ADAMTSL3: variants seen among roughly 807,000 people sequenced by gnomAD.
ADAMTSL3 encodes ADAMTS like 3, also known as ADAMTS-like protein 3.
A neutral mutation model predicts 201.7 loss-of-function variants in ADAMTSL3; 128 were observed. The ratio of observed to expected loss-of-function variants is 0.63; its 90% CI spans 0.55 to 0.73. The LOEUF (loss-of-function observed/expected upper bound fraction) is 0.73, where lower values mean the gene tolerates loss of function less well. Ranked by LOEUF, ADAMTSL3 falls within the 30% of genes least tolerant of loss-of-function variation. The pLI is 0.00. For synonymous variants in ADAMTSL3, 738 were observed against 748.4 expected (o/e 0.99, Z 0.23); for missense variants, 1,990 against 2,119.6 (o/e 0.94, Z 1.20).
chr15:83,903,795 G>A (rs2065773696), intron 15 of ADAMTSL3, among the ~76,000 whole-genome samples: 1 of 150,884 alleles, frequency 6.6e-6, no homozygotes. Flanking sequence ...GTACATGCTT[G>A]TAGTCCCAGC....
intron 19 of ADAMTSL3, among the ~76,000 whole-genome samples, chr15:83,960,228 T>A (rs1397388573): frequency 6.6e-6 from 1 of 152,124 alleles, no homozygotes; most frequent in Non-Finnish European, 1.5e-5. Context: ...TTTTCCTCCT[T>A]TGAAACCCAA....
chr15:83,861,079 A>G (rs2064846708), intron 8 of ADAMTSL3, among the ~76,000 whole-genome samples: 3 of 152,200 alleles, frequency 2.0e-5, no homozygotes, highest in Admixed American at 2.0e-4. Context: ...CTAGCACAGC[A>G]GTCTGAGATC....
intron 3 of ADAMTSL3, among the ~76,000 whole-genome samples, chr15:83,716,154 A>G (rs1309930495): frequency 6.6e-6 from 1 of 152,208 alleles, no homozygotes; most frequent in Non-Finnish European, 1.5e-5. Flanking sequence ...AGGAGTGACA[A>G]GACTTGAAGA....
At chr15:84,037,487 G>A (rs570051699) in intron 29 of ADAMTSL3, among the ~76,000 whole-genome samples, 1 of 152,326 alleles carries the variant, frequency 6.6e-6, no homozygotes, top group South Asian at 2.1e-4. Flanking sequence ...CAGAGGGACT[G>A]GGAGGGTCCA....
At chr15:83,997,718 G>T (rs2067713924) in intron 23 of ADAMTSL3, among the ~76,000 whole-genome samples, 2 of 151,954 alleles carry the variant, frequency 1.3e-5, no homozygotes, top group Admixed American at 6.6e-5. Flanking sequence ...TTTGACATGT[G>T]GTTATCAGTT....
At chr15:83,819,600 T>C (rs1007400933) in intron 5 of ADAMTSL3, among the ~76,000 whole-genome samples, 1 of 150,980 alleles carries the variant, frequency 6.6e-6, no homozygotes, top group Non-Finnish European at 1.5e-5. Flanking sequence ...GATAATCTCC[T>C]GTATAAATAA....
intron 2 of ADAMTSL3, among the ~76,000 whole-genome samples, chr15:83,675,695 T>A (rs60357700): frequency 0.07 from 10,594 of 151,842 alleles, 578 homozygotes; most frequent in East Asian, 0.17. Context: ...GTTCTTTACA[T>A]GTTTGGTATA....
intron 2 of ADAMTSL3, among the ~76,000 whole-genome samples, chr15:83,671,319 C>T (rs184575257): frequency 5.1e-4 from 78 of 152,262 alleles, no homozygotes; most frequent in African/African-American, 1.9e-3. Flanking sequence ...CCTTCTTTGA[C>T]GTCCTCTTTA....
intron 17 of ADAMTSL3, among the ~76,000 whole-genome samples, chr15:83,936,302 A>C (rs1312814158): frequency 6.6e-6 from 1 of 150,904 alleles, no homozygotes; most frequent in Non-Finnish European, 1.5e-5. Context: ...TTCTAAGGGT[A>C]AACCTAAAAA....
At chr15:83,715,787 C>A (rs994271744) in intron 3 of ADAMTSL3, among the ~76,000 whole-genome samples, 1 of 152,196 alleles carries the variant, frequency 6.6e-6, no homozygotes, top group Non-Finnish European at 1.5e-5. Flanking sequence ...CTTCCCTTAT[C>A]CCCCATTTCT....
At chr15:83,815,120 C>G (rs1377237315) in intron 5 of ADAMTSL3, among the ~76,000 whole-genome samples, 1 of 152,170 alleles carries the variant, frequency 6.6e-6, no homozygotes, top group Non-Finnish European at 1.5e-5. Flanking sequence ...CCTCCTCTTT[C>G]TTCTTTTCTG....
At chr15:83,749,387 C>T (rs773055463) in intron 3 of ADAMTSL3, among the ~76,000 whole-genome samples, 2 of 152,046 alleles carry the variant, frequency 1.3e-5, no homozygotes, top group African/African-American at 4.8e-5. Flanking sequence ...GCTAAGGCAA[C>T]GAGAGCTTTA....
intron 13 of ADAMTSL3, 112 bp downstream of exon 13, chr15:83,893,000 A>G: frequency 9.5e-7 from 1 of 1,048,808 alleles, no homozygotes; most frequent in South Asian, 1.6e-5. Flanking sequence ...GTGGTAAAAG[A>G]GCATGGTTCC....
At position 83,913,163 on chromosome 15, in the gene ADAMTSL3, G is replaced by T. The variant is rs1208556702; in HGVS notation, c.1772G>T (p.Cys591Phe). The change falls in exon 16 of 30, where the codon TGC (cysteine) becomes TTC (phenylalanine). Residue 591 changes from cysteine to phenylalanine, a missense_variant. Transcript: ENST00000286744. ...GPGVQVREVK[C>F]RVLLTFTQTE... ...GGTGTGCAGGTCCGTGAGGTGAAGT[G>T]CCGTGTGCTCCTCACATTCACGCAG... 1 of 1,614,016 alleles carries T rather than the reference G, an allele frequency of 6.2e-7. No homozygotes were observed. Among genetic ancestry groups the T allele is most frequent in the Non-Finnish European group, 8.5e-7 (1 of 1,180,030 alleles).
intron 2 of ADAMTSL3, among the ~76,000 whole-genome samples, chr15:83,681,997 T>C (rs1338835256): frequency 1.3e-5 from 2 of 152,256 alleles, no homozygotes; most frequent in Admixed American, 1.3e-4. Flanking sequence ...TGTTGTATAG[T>C]TGGCATTGTT....
At chr15:83,784,414 C>G (rs1359487065) in intron 4 of ADAMTSL3, among the ~76,000 whole-genome samples, 1 of 152,180 alleles carries the variant, frequency 6.6e-6, no homozygotes, top group Non-Finnish European at 1.5e-5. Context: ...TCTTTTAATT[C>G]AGTCTTGCTT....
At chr15:83,748,040 AAACATTTCTTCTCCTTTC>A (rs1259461877) in intron 3 of ADAMTSL3, among the ~76,000 whole-genome samples, 4 of 149,494 alleles carry the variant, frequency 2.7e-5, no homozygotes, top group Non-Finnish European at 5.9e-5. Flanking sequence ...CCCTTAAAGA[AAACATTTCTTCTCCTTTC>A]TGTCTTCACC....
rs1039376221 is a variant in ADAMTSL3, at chr15:83,654,844, A to T, written c.-34+568A>T. On this transcript the variant is annotated intron_variant, in intron 1 of 29. Transcript: ENST00000286744. The surrounding 1 kb of genome is among the most constrained non-coding windows in gnomAD (Gnocchi z 5.3). ...CCGCACTGGCCGCCTCCCTTCAGCC[A>T]GGAGTCGCCGCCTCAGGTCGGAAAC... Among the ~76,000 whole-genome samples, 1 of 152,156 alleles carries T rather than the reference A, an allele frequency of 6.6e-6. No homozygotes were observed. The highest frequency in any genetic ancestry group is 2.1e-4 in the South Asian group (1 of 4,824).
At chr15:83,687,312 G>T (rs367888654) in intron 2 of ADAMTSL3, among the ~76,000 whole-genome samples, 2 of 152,272 alleles carry the variant, frequency 1.3e-5, no homozygotes, top group Non-Finnish European at 2.9e-5. Flanking sequence ...CATGTAATCA[G>T]TATGAAAATC....
Sources: gnomAD v4.1 joint callset for allele counts (sites outside exome capture counted in the v4.1 genomes callset) on GRCh38, gnomAD v4.1.1 for gene constraint, Gnocchi (gnomAD v3.1) non-coding constraint, MANE v1.5 for transcripts, NCBI Gene and HGNC (gene_info 2026-07-23, HGNC 2026-07-21) for gene names.